The following GRIA1 variants were observed in gnomAD, a reference collection of about 807,000 sequenced individuals.
GRIA1 encodes glutamate receptor 1.
In GRIA1, 31 loss-of-function variants were observed where a neutral mutation model predicts 99.2. That is an observed-to-expected ratio of 0.31 (90% CI 0.23 to 0.42). The LOEUF is 0.42. Among genes scored for constraint, GRIA1 ranks in the 10% least tolerant of loss-of-function variants. The pLI is 1.00. For synonymous variants in GRIA1, 438 were observed against 432.4 expected, an observed-to-expected ratio of 1.01 and a Z score of -0.16; for missense variants, 782 against 1,157.5, an observed-to-expected ratio of 0.68 and a Z score of 4.71.
intron 15 of GRIA1, among the ~76,000 whole-genome samples, chr5:153,803,641 C>T (rs1401561317): frequency 6.6e-6 from 1 of 152,148 alleles, no homozygotes; most frequent in Non-Finnish European, 1.5e-5. Flanking sequence ...TACAGTCCCT[C>T]TGGGCAATGC....
intron 11 of GRIA1, among the ~76,000 whole-genome samples, chr5:153,727,063 G>A (rs1391346587): frequency 1.3e-5 from 2 of 152,204 alleles, no homozygotes; most frequent in Admixed American, 6.5e-5. Context: ...TCATCCCTGG[G>A]ATGCAAGGCT....
chr5:153,630,580 G>A (rs1378913547), intron 2 of GRIA1, among the ~76,000 whole-genome samples: 2 of 152,150 alleles, frequency 1.3e-5, no homozygotes, highest in African/African-American at 4.8e-5. Context: ...TTTGAACAAG[G>A]CAGGTCCAAG....
intron 2 of GRIA1, among the ~76,000 whole-genome samples, chr5:153,554,114 T>C (rs923092255): frequency 6.6e-6 from 1 of 152,120 alleles, no homozygotes; most frequent in Non-Finnish European, 1.5e-5. Context: ...CTTTGATGGG[T>C]TGAGTTGTAA....
chr5:153,569,442 C>T (rs765884902), intron 2 of GRIA1, among the ~76,000 whole-genome samples: 9 of 152,148 alleles, frequency 5.9e-5, no homozygotes, highest in Non-Finnish European at 1.2e-4. Flanking sequence ...ATTTCAAGAA[C>T]CACTGTATTC....
At chr5:153,577,780 C>T (rs544891446) in intron 2 of GRIA1, among the ~76,000 whole-genome samples, 170 of 152,286 alleles carry the variant, frequency 1.1e-3, no homozygotes, top group Non-Finnish European at 2.2e-3. Context: ...GACAAGACAC[C>T]TGACTTCATG....
intron 2 of GRIA1, among the ~76,000 whole-genome samples, chr5:153,600,153 A>G (rs930664452): frequency 1.4e-4 from 22 of 152,194 alleles, no homozygotes; most frequent in African/African-American, 5.3e-4. Flanking sequence ...GCACTTTCGG[A>G]GGCCGAGGCG....
intron 2 of GRIA1, among the ~76,000 whole-genome samples, chr5:153,510,930 C>G (rs958509698): frequency 6.6e-6 from 1 of 152,008 alleles, no homozygotes; most frequent in Non-Finnish European, 1.5e-5. Flanking sequence ...ATTTGGGGAG[C>G]ATTGGGGGTG....
intron 7 of GRIA1, among the ~76,000 whole-genome samples, chr5:153,683,006 G>A (rs34349565): frequency 0.052 from 7,851 of 152,288 alleles, 283 homozygotes; most frequent in Non-Finnish European, 0.075. Context: ...CATGGAGGGA[G>A]TTGAGGGCGC....
intron 2 of GRIA1, among the ~76,000 whole-genome samples, chr5:153,594,812 T>C (rs1452185332): frequency 6.6e-6 from 1 of 151,820 alleles, no homozygotes; most frequent in Non-Finnish European, 1.5e-5. Context: ...CCCAGTCTTC[T>C]GCTTGGCTGA....
intron 5 of GRIA1, among the ~76,000 whole-genome samples, chr5:153,662,060 C>T (rs954073515): frequency 2.0e-5 from 3 of 152,222 alleles, no homozygotes; most frequent in Non-Finnish European, 4.4e-5. Context: ...TCTCTCATCA[C>T]TTCTGACTCT....
At chr5:153,786,685 T>C (rs1764980646) in intron 13 of GRIA1, among the ~76,000 whole-genome samples, 1 of 152,152 alleles carries the variant, frequency 6.6e-6, no homozygotes, top group Non-Finnish European at 1.5e-5. Flanking sequence ...GACAATGCAG[T>C]GAACTGCCTG....
At chr5:153,758,523 A>G (rs573302346) in intron 11 of GRIA1, among the ~76,000 whole-genome samples, 4 of 152,164 alleles carry the variant, frequency 2.6e-5, no homozygotes, top group African/African-American at 9.6e-5. Flanking sequence ...TAATAATTAT[A>G]AATATATATT....
chr5:153,736,092 AG>A (rs1214757945), intron 11 of GRIA1, among the ~76,000 whole-genome samples: 2 of 152,170 alleles, frequency 1.3e-5, no homozygotes, highest in Non-Finnish European at 2.9e-5. Context: ...AGTGCAGAGG[AG>A]GGAGCCAAGC....
At chr5:153,551,957 C>T (rs948242040) in intron 2 of GRIA1, among the ~76,000 whole-genome samples, 2 of 152,108 alleles carry the variant, frequency 1.3e-5, no homozygotes, top group Non-Finnish European at 1.5e-5. Context: ...GAAAGCCCCC[C>T]CTCATCCTCT....
At chr5:153,520,343 T>C (rs1272255408) in intron 2 of GRIA1, among the ~76,000 whole-genome samples, 1 of 152,176 alleles carries the variant, frequency 6.6e-6, no homozygotes, top group African/African-American at 2.4e-5. Flanking sequence ...TCCAGAACAA[T>C]GCAGTGCCAC....
intron 2 of GRIA1, among the ~76,000 whole-genome samples, chr5:153,546,299 G>A (rs1411716962): frequency 1.3e-5 from 2 of 152,164 alleles, no homozygotes; most frequent in African/African-American, 4.8e-5. Context: ...AAGTTAAATG[G>A]CTGGAAGTCA....
At chr5:153,606,392 C>T (rs1474463147) in intron 2 of GRIA1, among the ~76,000 whole-genome samples, 1 of 152,026 alleles carries the variant, frequency 6.6e-6, no homozygotes, top group African/African-American at 2.4e-5. Context: ...TAGACCTTTA[C>T]ATTTACATAC....
intron 2 of GRIA1, among the ~76,000 whole-genome samples, chr5:153,614,922 G>C (rs1315253713): frequency 6.6e-6 from 1 of 152,180 alleles, no homozygotes. Context: ...GTCAATTGAA[G>C]AGGCCTTAAG....
chr5:153,764,318 G>A, intron 11 of GRIA1, 116 bp from the exon 12 acceptor site: 1 of 722,550 alleles, frequency 1.4e-6, no homozygotes, highest in Non-Finnish European at 2.5e-6. Context: ...AGATGAGAAG[G>A]GTGCAATAGG....
Sources: allele counts gnomAD v4.1 joint callset (sites outside exome capture counted in the v4.1 genomes callset), GRCh38; gene constraint gnomAD v4.1.1; transcripts MANE v1.5; gene names NCBI Gene and HGNC (gene_info 2026-07-23, HGNC 2026-07-21).